The following RBFOX1 variants were observed in gnomAD, a reference collection of about 807,000 sequenced individuals.
RBFOX1 encodes the protein RNA binding fox-1 homolog 1, also known as RNA binding protein fox-1 homolog 1.
RBFOX1 carries 8 observed loss-of-function variants against 57.7 expected under a neutral mutation model. That is an observed-to-expected ratio of 0.14 (90% CI 0.08 to 0.25). The LOEUF is 0.25. Ranked by LOEUF, RBFOX1 falls within the 10% of genes least tolerant of loss-of-function variation. The pLI, the probability that RBFOX1 is intolerant of heterozygous loss-of-function variation, is 1.00. For synonymous variants in RBFOX1, 326 were observed against 222.4 expected (o/e 1.47, Z -4.15); for missense variants, 611 against 548.5 (o/e 1.11, Z -1.14).
chr16:6,676,337 T>C lies in RBFOX1; in HGVS notation c.-16+21687T>C, dbSNP rs77599222. On this transcript the variant is annotated intron_variant, in intron 3 of 15. Coordinates refer to ENST00000550418, the MANE Select transcript of RBFOX1 (RefSeq NM_018723.4). ...GTACTATCCTGCCTTCCAGTCAATT[T>C]TGGGGAGTCATGAGCTGTTTCGTTT... 3.4e-3 allele frequency among the ~76,000 whole-genome samples: 513 copies of C among 152,186 alleles called. 5 individuals carry two copies. The highest frequency in any genetic ancestry group is 0.012 in the African/African-American group (481 of 41,530).
chr16:7,307,681 G>A lies in RBFOX1; in HGVS notation c.28-210466G>A, dbSNP rs370742105. Among the ~76,000 whole-genome samples, 23 of 152,082 alleles carry A rather than the reference G, an allele frequency of 1.5e-4. 1 individual carries two copies. The highest frequency in any genetic ancestry group is 5.8e-4 in the East Asian group (3 of 5,172). On this transcript the variant is annotated intron_variant, in intron 4 of 15. Transcript: ENST00000550418. ...GATAATGCTAAATAGTTTTTTTGGC[G>A]TCTAGATATCAGACCCAGTGATGTA...
intron 1 of RBFOX1, among the ~76,000 whole-genome samples, chr16:6,155,994 G>T (rs1014157956): frequency 1.3e-5 from 2 of 152,134 alleles, no homozygotes; most frequent in Non-Finnish European, 2.9e-5. Flanking sequence ...TCGTGAGTTA[G>T]AACTCTGTTT....
At chr16:6,836,057 T>C (rs1567479650) in intron 3 of RBFOX1, among the ~76,000 whole-genome samples, 1 of 152,194 alleles carries the variant, frequency 6.6e-6, no homozygotes, top group Non-Finnish European at 1.5e-5. Flanking sequence ...TACTGTTCAA[T>C]AGCTAGCTCA....
At chr16:6,540,743 T>C (rs1274898634) in intron 2 of RBFOX1, among the ~76,000 whole-genome samples, 1 of 152,212 alleles carries the variant, frequency 6.6e-6, no homozygotes, top group Non-Finnish European at 1.5e-5. Flanking sequence ...TTTTAAATTT[T>C]ATTAACTTAC....
chr16:6,323,167 A>G (rs1202705255), intron 2 of RBFOX1, among the ~76,000 whole-genome samples: 1 of 152,144 alleles, frequency 6.6e-6, no homozygotes, highest in African/African-American at 2.4e-5. Context: ...AAGAAATAAC[A>G]ATTCCTTCTG....
intron 3 of RBFOX1, among the ~76,000 whole-genome samples, chr16:6,691,693 C>T (rs1373332747): frequency 4.6e-5 from 7 of 152,156 alleles, no homozygotes; most frequent in Non-Finnish European, 5.9e-5. Context: ...AAACTGTCCA[C>T]GTCCTAATCC....
intron 3 of RBFOX1, among the ~76,000 whole-genome samples, chr16:5,620,082 C>T (rs567000436): frequency 9.2e-5 from 14 of 151,992 alleles, no homozygotes; most frequent in South Asian, 4.2e-4. Context: ...TCATTGGCCT[C>T]GCTTACTTTC....
intron 2 of RBFOX1, among the ~76,000 whole-genome samples, chr16:6,404,127 A>C (rs1341757518): frequency 6.6e-6 from 1 of 152,162 alleles, no homozygotes; most frequent in East Asian, 1.9e-4. Flanking sequence ...CAGATCGAAA[A>C]AATATATATT....
intron 1 of RBFOX1, among the ~76,000 whole-genome samples, chr16:5,256,181 A>T (rs978968722): frequency 4.6e-5 from 7 of 152,284 alleles, no homozygotes; most frequent in African/African-American, 1.4e-4. Context: ...CTCAGAAAAA[A>T]GTTCCCCATT....
At chr16:7,513,683 A>G (rs1426630066) in intron 4 of RBFOX1, among the ~76,000 whole-genome samples, 1 of 152,130 alleles carries the variant, frequency 6.6e-6, no homozygotes, top group Non-Finnish European at 1.5e-5. Context: ...ACACCTCTGT[A>G]AGAACTACCG....
chr16:7,543,930 A>C (rs2083700823), intron 5 of RBFOX1, among the ~76,000 whole-genome samples: 1 of 152,042 alleles, frequency 6.6e-6, no homozygotes, highest in Non-Finnish European at 1.5e-5. Flanking sequence ...CATGTTGGCC[A>C]GGATGGTCTC....
intron 1 of RBFOX1, among the ~76,000 whole-genome samples, chr16:5,329,441 C>T (rs1333662128): frequency 3.3e-5 from 5 of 152,156 alleles, no homozygotes; most frequent in African/African-American, 1.2e-4. Context: ...ACAAGAACAG[C>T]ACCAAAGGGG....
chr16:7,162,168 G>A (rs1220948756), intron 4 of RBFOX1, among the ~76,000 whole-genome samples: 1 of 152,148 alleles, frequency 6.6e-6, no homozygotes, highest in Non-Finnish European at 1.5e-5. Context: ...TTAGCTGAAT[G>A]TGCCAATAAT....
chr16:5,696,035 T>C (rs1243912507), intron 3 of RBFOX1, among the ~76,000 whole-genome samples: 2 of 152,204 alleles, frequency 1.3e-5, no homozygotes, highest in Admixed American at 1.3e-4. Context: ...CGGTTTTAGA[T>C]TTGAATACAA....
intron 2 of RBFOX1, among the ~76,000 whole-genome samples, chr16:6,422,859 G>A (rs1042541405): frequency 4.0e-4 from 61 of 152,170 alleles, no homozygotes; most frequent in Admixed American, 1.3e-4. Context: ...CAAGGACAGA[G>A]ATCCAAACCA....
At chr16:5,741,544 T>G (rs2052768920) in intron 3 of RBFOX1, among the ~76,000 whole-genome samples, 1 of 152,232 alleles carries the variant, frequency 6.6e-6, no homozygotes, top group African/African-American at 2.4e-5. Context: ...CAAGTTGGTA[T>G]GATTTTTAAT....
intron 3 of RBFOX1, among the ~76,000 whole-genome samples, chr16:6,655,624 A>G (rs2098644876): frequency 6.6e-6 from 1 of 152,112 alleles, no homozygotes; most frequent in Admixed American, 6.6e-5. Flanking sequence ...TATTGACAAG[A>G]GTTCACAGAC....
At chr16:5,319,669 CTTATT>C (rs1038196306) in intron 1 of RBFOX1, among the ~76,000 whole-genome samples, 2 of 152,178 alleles carry the variant, frequency 1.3e-5, no homozygotes, top group Non-Finnish European at 1.5e-5. Flanking sequence ...CAAAGACAGA[CTTATT>C]TTATTAGATA....
Position 5,442,082 on chromosome 16 carries a change from G to A in RBFOX1, c.220-25134G>A, listed in dbSNP as rs139021547. On this transcript the variant is annotated intron_variant, in intron 1 of 2. Coordinates refer to the RBFOX1 transcript ENST00000585867. Reference sequence around the variant, plus strand: ...GTCATGCAGAGAGTTGGGGAGTTTTGCTAGAAGTAGGCAGGGAATATACAA... The same window carrying A: ...GTCATGCAGAGAGTTGGGGAGTTTTACTAGAAGTAGGCAGGGAATATACAA... Among the ~76,000 whole-genome samples, 822 of 152,270 alleles carry A rather than the reference G, an allele frequency of 5.4e-3. 8 individuals carry two copies. The highest frequency in any genetic ancestry group is 0.019 in the African/African-American group (778 of 41,560).
Sources: gnomAD v4.1 joint callset for allele counts (sites outside exome capture counted in the v4.1 genomes callset) on GRCh38, gnomAD v4.1.1 for gene constraint, MANE v1.5 for transcripts, NCBI Gene and HGNC (gene_info 2026-07-23, HGNC 2026-07-21) for gene names.